LOC128462377: variants seen among roughly 807,000 people sequenced by gnomAD.
At chr16:89,378,828 A>T in the LOC128462377 span, among the ~76,000 whole-genome samples, 1 of 152,140 alleles carries the variant, frequency 6.6e-6, no homozygotes, top group East Asian at 1.9e-4. Flanking sequence ...CTGTGGTTTA[A>T]AACTCTTTTA....
chr16:89,386,052 C>A, the LOC128462377 span, among the ~76,000 whole-genome samples: 1 of 152,356 alleles, frequency 6.6e-6, no homozygotes, highest in African/African-American at 2.4e-5. Context: ...CAAACTGGGT[C>A]CAATTTGTCT....
At chr16:89,351,070 T>C in the LOC128462377 span, among the ~76,000 whole-genome samples, 9 of 152,276 alleles carry the variant, frequency 5.9e-5, no homozygotes, top group South Asian at 1.0e-3. Context: ...GCTATTAAAA[T>C]TGATGCATTC....
At chr16:89,349,308 A>T in the LOC128462377 span, among the ~76,000 whole-genome samples, 1 of 151,888 alleles carries the variant, frequency 6.6e-6, no homozygotes, top group African/African-American at 2.4e-5. Flanking sequence ...GTGAAACCCC[A>T]TCTCTACTCA....
At chr16:89,322,845 TTTTGTTTG>T in the LOC128462377 span, among the ~76,000 whole-genome samples, 6 of 152,180 alleles carry the variant, frequency 3.9e-5, no homozygotes, top group Non-Finnish European at 5.9e-5. Flanking sequence ...TGAAGAGTTC[TTTTGTTTG>T]TTTGTTTGTT....
chr16:89,378,964 G>A, the LOC128462377 span, among the ~76,000 whole-genome samples: 1 of 152,218 alleles, frequency 6.6e-6, no homozygotes, highest in African/African-American at 2.4e-5. Flanking sequence ...GACCTTTTTG[G>A]GTCAAGGTTC....
At chr16:89,356,615 C>G in the LOC128462377 span, among the ~76,000 whole-genome samples, 4 of 113,332 alleles carry the variant, frequency 3.5e-5, no homozygotes, top group African/African-American at 1.3e-4. Flanking sequence ...ACTAAAAATA[C>G]AAAAAAAAAA....
At chr16:89,350,958 T>C in the LOC128462377 span, among the ~76,000 whole-genome samples, 122 of 152,246 alleles carry the variant, frequency 8.0e-4, no homozygotes, top group African/African-American at 2.8e-3. Context: ...GTAGCTTAGG[T>C]GTGTGGGAGG....
chr16:89,322,412 G>A, the LOC128462377 span, among the ~76,000 whole-genome samples: 1 of 152,260 alleles, frequency 6.6e-6, no homozygotes. Flanking sequence ...ACTAGTTTGT[G>A]TAATGACCAT....
chr16:89,377,183 G>A, the LOC128462377 span, among the ~76,000 whole-genome samples: 16 of 152,258 alleles, frequency 1.1e-4, no homozygotes, highest in South Asian at 6.2e-4. Flanking sequence ...CAAACACAGC[G>A]TATCTAATTC....
the LOC128462377 span, among the ~76,000 whole-genome samples, chr16:89,367,306 C>T: frequency 2.0e-5 from 3 of 152,230 alleles, no homozygotes; most frequent in African/African-American, 7.2e-5. Flanking sequence ...GCTGGCCCAG[C>T]AGTACCGGGA....
At chr16:89,323,353 C>T in the LOC128462377 span, 1 of 1,288,238 alleles carries the variant, frequency 7.8e-7, no homozygotes. Flanking sequence ...AGAAGCACCA[C>T]TGGCCTCTCA....
the LOC128462377 span, among the ~76,000 whole-genome samples, chr16:89,361,291 C>A: frequency 1.3e-5 from 2 of 152,220 alleles, no homozygotes; most frequent in Non-Finnish European, 2.9e-5. Context: ...ACAGGCCTTC[C>A]TTGGCCTCAG....
chr16:89,417,506 G>A, the LOC128462377 span, among the ~76,000 whole-genome samples: 1 of 152,176 alleles, frequency 6.6e-6, no homozygotes, highest in East Asian at 1.9e-4. Context: ...TCTTTTTGGA[G>A]ACTGCTGCCG....
the LOC128462377 span, among the ~76,000 whole-genome samples, chr16:89,349,861 A>AACAC: frequency 6.1e-3 from 808 of 133,206 alleles, 6 homozygotes; most frequent in East Asian, 9.0e-3. Context: ...TACTTGTTAA[A>AACAC]ACACACACAC....
the LOC128462377 span, among the ~76,000 whole-genome samples, chr16:89,321,971 T>C: frequency 1.3e-5 from 2 of 152,232 alleles, no homozygotes; most frequent in African/African-American, 4.8e-5. Context: ...TTTCTCCTCA[T>C]GATCTCAGTA....
the LOC128462377 span, among the ~76,000 whole-genome samples, chr16:89,417,179 T>C: frequency 6.6e-6 from 1 of 152,156 alleles, no homozygotes; most frequent in African/African-American, 2.4e-5. Context: ...TATTTTAAAG[T>C]GGCCTGACTC....
At chr16:89,402,872 A>C in the LOC128462377 span, among the ~76,000 whole-genome samples, 1 of 151,650 alleles carries the variant, frequency 6.6e-6, no homozygotes, top group Non-Finnish European at 1.5e-5. Flanking sequence ...CAGACCCTCC[A>C]GGCTCTCCCG....
chr16:89,324,861 G>A, the LOC128462377 span: 71 of 274,142 alleles, frequency 2.6e-4, no homozygotes, highest in African/African-American at 1.4e-3. Context: ...CCTATTGTGG[G>A]ACTTCACCTC....
the LOC128462377 span, among the ~76,000 whole-genome samples, chr16:89,350,784 G>T: frequency 6.6e-6 from 1 of 152,212 alleles, no homozygotes; most frequent in Non-Finnish European, 1.5e-5. Context: ...TGAGCAACAT[G>T]ATGCTCATGT....
Sources: gnomAD v4.1 joint callset for allele counts (sites outside exome capture counted in the v4.1 genomes callset) on GRCh38, gnomAD v4.1.1 for gene constraint, MANE v1.5 for transcripts.